The following RPF1 variants were observed in gnomAD, a reference collection of about 807,000 sequenced individuals.
RPF1 encodes ribosome production factor 1.
RPF1 carries 34 observed loss-of-function variants against 41.9 expected under a neutral mutation model. The observed-to-expected ratio is 0.81, with a 90% CI of 0.62 to 1.08. The LOEUF is 1.08. RPF1 is among the 50% of genes least tolerant of loss of function. The pLI, the probability that RPF1 is intolerant of heterozygous loss-of-function variation, is 0.00. For missense variants in RPF1, 425 were observed against 435.2 expected, an observed-to-expected ratio of 0.98 and a Z score of 0.21; for synonymous variants, 140 against 148.9, an observed-to-expected ratio of 0.94 and a Z score of 0.43.
chr1:84,495,608 CTG>C lies in RPF1; in HGVS notation c.699+156_699+157del, dbSNP rs372305105. On this transcript the variant is annotated intron_variant, in intron 6 of 8. Coordinates refer to ENST00000370654, the MANE Select transcript of RPF1 (RefSeq NM_025065.7). ...TTAATCTATCAATTCTCTTGGGAGA[CTG>C]TGGTTAAGTTACAGCCGGCAGGCAA... is the stretch of plus-strand genomic sequence containing the variant. 9.6e-4 allele frequency among the ~76,000 whole-genome samples: 146 copies of C among 152,282 alleles called. 1 individual carries two copies. The highest frequency in any genetic ancestry group is 3.3e-3 in the African/African-American group (136 of 41,560).
intron 3 of RPF1, among the ~76,000 whole-genome samples, chr1:84,483,661 A>G (rs1308924166): frequency 6.6e-6 from 1 of 152,194 alleles, no homozygotes; most frequent in Non-Finnish European, 1.5e-5. Context: ...TATTTTTTGT[A>G]TTCTCATAAA....
intron 3 of RPF1, among the ~76,000 whole-genome samples, chr1:84,484,047 A>G (rs1233992896): frequency 6.6e-6 from 1 of 152,234 alleles, no homozygotes; most frequent in Non-Finnish European, 1.5e-5. Context: ...ACATAATGAA[A>G]TAAATAAGTT....
In RPF1 at chr1:84,495,460, GTT is replaced by G; in HGVS notation, c.699+8_699+9del. ...CGTCTTCGTAAAGAAATTAAGGTAA[GTT>G]TTATACATTTCTTTGATTGGCATTG... On this transcript the variant is annotated splice_donor_region_variant and intron_variant, in intron 6 of 8. Transcript: ENST00000370654. 1 of 1,254,772 alleles carries G rather than the reference GTT, an allele frequency of 8.0e-7. No homozygotes were observed. The highest frequency in any genetic ancestry group is 1.1e-6 in the Non-Finnish European group (1 of 875,984). 77.7% of individuals were successfully genotyped at this position (1,254,772 alleles called of 1,614,324 possible).
At chr1:84,489,286 T>C (rs1049874357) in intron 3 of RPF1, among the ~76,000 whole-genome samples, 2 of 152,170 alleles carry the variant, frequency 1.3e-5, no homozygotes, top group African/African-American at 4.8e-5. Flanking sequence ...CATTAGTTTT[T>C]TTTGGTTCTT....
intron 8 of RPF1, 39 bp from the exon 9 acceptor site, chr1:84,497,390 T>G: frequency 6.4e-7 from 1 of 1,568,146 alleles, no homozygotes; most frequent in Non-Finnish European, 8.7e-7. Flanking sequence ...ATATTTTTGT[T>G]TTGTTTTCTT....
intron 3 of RPF1, among the ~76,000 whole-genome samples, chr1:84,487,845 T>G (rs1216040209): frequency 6.6e-6 from 1 of 152,098 alleles, no homozygotes; most frequent in African/African-American, 2.4e-5. Flanking sequence ...TTTAATGTAC[T>G]CTTACAATTC....
chr1:84,494,071 G>A (rs772649170), intron 5 of RPF1, among the ~76,000 whole-genome samples: 6 of 152,166 alleles, frequency 3.9e-5, no homozygotes, highest in Non-Finnish European at 7.3e-5. Context: ...TAATGAAACA[G>A]CTGAGTCCCA....
chr1:84,495,501 A>T (rs532581720), intron 6 of RPF1, 46 bp downstream of exon 6: 1 of 822,582 alleles, frequency 1.2e-6, no homozygotes, highest in Admixed American at 2.6e-5. Context: ...TCTTCACAAT[A>T]TTTATTTGAT....
At chr1:84,480,342 A>G (rs1681620954) in intron 1 of RPF1, among the ~76,000 whole-genome samples, 1 of 152,196 alleles carries the variant, frequency 6.6e-6, no homozygotes, top group Admixed American at 6.5e-5. Context: ...GAGGATCAGT[A>G]GGTGCTGGGG....
chr1:84,490,120 C>T lies in RPF1; in HGVS notation c.463-199C>T, dbSNP rs138638871. Among the ~76,000 whole-genome samples, 1,513 of 152,276 alleles carry T rather than the reference C, an allele frequency of 9.9e-3. 13 individuals are homozygous for T. Among genetic ancestry groups the T allele is most frequent in the Non-Finnish European group, 0.016 (1,063 of 68,022 alleles). ...AATGTGTCCTCTGATGGAGCAGAAT[C>T]GCCCCTAATTGAGAACCACTGCTTT... On this transcript the variant is annotated intron_variant, in intron 4 of 8. Coordinates refer to ENST00000370654, the MANE Select transcript of RPF1 (RefSeq NM_025065.7).
chr1:84,487,420 G>A (rs971446095), intron 3 of RPF1, among the ~76,000 whole-genome samples: 3 of 152,048 alleles, frequency 2.0e-5, no homozygotes, highest in African/African-American at 7.2e-5. Context: ...TTAGAGATAA[G>A]CCAGTTCATG....
At chr1:84,484,434 A>C (rs1681704830) in intron 3 of RPF1, among the ~76,000 whole-genome samples, 1 of 122,484 alleles carries the variant, frequency 8.2e-6, no homozygotes, top group East Asian at 2.1e-4. Context: ...CCTTTTTAGC[A>C]AAAAAAAAAA....
chr1:84,495,381 A>C lies in RPF1; in HGVS notation c.625A>C (p.Ile209Leu). 6.9e-7 allele frequency: 1 copy of C among 1,453,668 alleles called. No homozygotes were observed. Among genetic ancestry groups the C allele is most frequent in the Non-Finnish European group, 9.6e-7 (1 of 1,047,044 alleles). The allele number at this position is 1,453,668 out of a possible 1,614,324, so 90.0% of individuals were successfully genotyped here. ...TTAACTTTTATGAACAGATGGACTT[A>C]TTTTGAGTCACTTGCCAAATGGCCC... ...NEDRKTPNGL[I>L]LSHLPNGPTA... Residue 209 changes from isoleucine to leucine, a missense_variant, in exon 6 of 9, where the codon ATT becomes CTT. Ile to Leu is a conservative substitution (Grantham distance 5). Transcript: ENST00000370654.
In RPF1 at chr1:84,497,540, A is replaced by G; in HGVS notation, c.*70A>G. ...TGAACTTTGGTAAATTATTTTTGAC[A>G]GAATACTCTTTTCAAAATGGCATTT... is the stretch of plus-strand genomic sequence containing the variant. On this transcript the variant is annotated 3_prime_UTR_variant, in exon 9 of 9. Coordinates refer to ENST00000370654, the MANE Select transcript of RPF1 (RefSeq NM_025065.7). 1.7e-6 allele frequency: 2 copies of G among 1,167,596 alleles called. No homozygotes were observed. The highest frequency in any genetic ancestry group is 1.4e-5 in the South Asian group (1 of 70,216). The allele number at this position is 1,167,596 out of a possible 1,614,324, so 72.3% of individuals were successfully genotyped here.
At position 84,479,492 on chromosome 1, in the gene RPF1, A is replaced by G. The variant is rs779997935; in HGVS notation, c.211A>G (p.Lys71Glu). Residue 71 changes from lysine (K) to glutamate (E), a missense_variant, in exon 1 of 9, where the codon AAA becomes GAA. Physicochemically the swap from Lys to Glu is moderately conservative, Grantham distance 56. Coordinates refer to ENST00000370654, the MANE Select transcript of RPF1 (RefSeq NM_025065.7). ...QRRHLMFTRW[K>E]QQQRKEKLAA... ...GCGACACTTAATGTTCACGCGGTGGAAACAGCAGCAGCGGAAGGTACGCGA... is the reference window on the plus strand; with the variant it reads ...GCGACACTTAATGTTCACGCGGTGGGAACAGCAGCAGCGGAAGGTACGCGA... The G allele has an allele frequency of 6.2e-7, 1 of 1,613,982 alleles. No homozygotes were observed. Among genetic ancestry groups the G allele is most frequent in the East Asian group, 2.2e-5 (1 of 44,892 alleles).
intron 2 of RPF1, among the ~76,000 whole-genome samples, chr1:84,481,800 A>G (rs140218867): frequency 2.6e-4 from 40 of 152,322 alleles, no homozygotes; most frequent in African/African-American, 8.4e-4. Context: ...GAAAACATTC[A>G]TGTCTCCGCC....
chr1:84,484,703 C>T (rs1487767011), intron 3 of RPF1, among the ~76,000 whole-genome samples: 3 of 148,800 alleles, frequency 2.0e-5, no homozygotes, highest in African/African-American at 7.4e-5. Context: ...TTTTTTTCTC[C>T]GAGGTGGAGA....
chr1:84,496,876 GTTTT>G (rs1160894037), intron 8 of RPF1, among the ~76,000 whole-genome samples: 1 of 151,870 alleles, frequency 6.6e-6, no homozygotes, highest in Non-Finnish European at 1.5e-5. Flanking sequence ...TGTTGTTGTT[GTTTT>G]GTTTTTTTTG....
chr1:84,495,321 A>G, intron 5 of RPF1, 52 bp from the exon 6 acceptor site: 2 of 856,884 alleles, frequency 2.3e-6, no homozygotes, highest in Non-Finnish European at 3.8e-6. Context: ...TATTTAAACA[A>G]TTAGATTTAG....
Sources: gnomAD v4.1 joint callset for allele counts (sites outside exome capture counted in the v4.1 genomes callset) on GRCh38, gnomAD v4.1.1 for gene constraint, MANE v1.5 for transcripts, NCBI Gene and HGNC (gene_info 2026-07-23, HGNC 2026-07-21) for gene names.